The following SLC25A21 variants were observed in gnomAD, a reference collection of about 807,000 sequenced individuals.
SLC25A21 encodes the protein mitochondrial 2-oxodicarboxylate carrier.
A neutral mutation model predicts 43.8 loss-of-function variants in SLC25A21; 47 were observed. The ratio of observed to expected loss-of-function variants is 1.07; its 90% CI spans 0.85 to 1.37. The LOEUF (loss-of-function observed/expected upper bound fraction) is 1.37. Ranked by LOEUF, SLC25A21 falls within the 40% of genes most tolerant of loss-of-function variation. SLC25A21 has a pLI of 0.00. For missense variants in SLC25A21, 352 were observed against 350.2 expected, an observed-to-expected ratio of 1.00 and a Z score of -0.04; for synonymous variants, 131 against 121.3, an observed-to-expected ratio of 1.08 and a Z score of -0.52.
intron 3 of SLC25A21, among the ~76,000 whole-genome samples, chr14:36,738,184 A>C (rs1245697640): frequency 6.6e-6 from 1 of 152,206 alleles, no homozygotes; most frequent in Non-Finnish European, 1.5e-5. Context: ...TGCAGGTAAG[A>C]GCATGTGGTT....
intron 7 of SLC25A21, among the ~76,000 whole-genome samples, chr14:36,696,111 G>C (rs1184832494): frequency 2.6e-5 from 4 of 152,162 alleles, no homozygotes; most frequent in Non-Finnish European, 2.9e-5. Flanking sequence ...AGAGTGTTTA[G>C]CATGAAGGGC....
At chr14:36,708,172 G>C (rs1883659959) in intron 7 of SLC25A21, among the ~76,000 whole-genome samples, 3 of 152,316 alleles carry the variant, frequency 2.0e-5, no homozygotes, top group Non-Finnish European at 4.4e-5. Flanking sequence ...CTTTGGATGG[G>C]AGTGAGGAAA....
At chr14:37,150,029 T>C (rs1426941462) in intron 1 of SLC25A21, among the ~76,000 whole-genome samples, 1 of 152,050 alleles carries the variant, frequency 6.6e-6, no homozygotes, top group Non-Finnish European at 1.5e-5. Flanking sequence ...AGGAAAAAAA[T>C]CCTGTTTAGA....
chr14:36,979,332 G>GT lies in SLC25A21; in HGVS notation c.71-104329dup, dbSNP rs1283870965. Among the ~76,000 whole-genome samples, 325 of 119,012 alleles carry GT rather than the reference G, an allele frequency of 2.7e-3. 1 individual carries two copies. Among genetic ancestry groups the GT allele is most frequent in the Admixed American group, 5.7e-3 (73 of 12,750 alleles). The allele number at this position is 119,012 out of a possible 152,430, so 78.1% of individuals were successfully genotyped here. On this transcript the variant is annotated intron_variant, in intron 1 of 9. Transcript: ENST00000331299. The stretch of plus-strand genomic sequence containing the variant: ...AACCAATTAAGGTAGTGTTTTTTTG[G>GT]TTTTTTTTTTTACTGTTTTTGTTTG...
At chr14:37,090,906 C>T (rs1014760622) in intron 1 of SLC25A21, among the ~76,000 whole-genome samples, 8 of 152,176 alleles carry the variant, frequency 5.3e-5, no homozygotes, top group African/African-American at 1.9e-4. Flanking sequence ...ACTGAACCCA[C>T]TGCTCCTAGG....
chr14:36,877,349 GT>G (rs1017455661), intron 1 of SLC25A21, among the ~76,000 whole-genome samples: 2 of 152,188 alleles, frequency 1.3e-5, no homozygotes, highest in African/African-American at 4.8e-5. Context: ...TTGCAAAATT[GT>G]TTCAGTTTTC....
intron 2 of SLC25A21, among the ~76,000 whole-genome samples, chr14:36,826,627 T>C (rs1482528594): frequency 6.6e-6 from 1 of 152,242 alleles, no homozygotes; most frequent in African/African-American, 2.4e-5. Flanking sequence ...GTGAAGTCCA[T>C]GAACATTAGT....
At chr14:36,894,447 A>G (rs1309948220) in intron 1 of SLC25A21, among the ~76,000 whole-genome samples, 5 of 152,214 alleles carry the variant, frequency 3.3e-5, no homozygotes, top group African/African-American at 7.2e-5. Context: ...GGGCTGAGAC[A>G]ATGGGGTTTT....
chr14:36,782,710 C>CCAAA (rs976405092), intron 3 of SLC25A21, among the ~76,000 whole-genome samples: 3 of 151,052 alleles, frequency 2.0e-5, no homozygotes, highest in Non-Finnish European at 4.4e-5. Context: ...GAACAAAAAA[C>CCAAA]CAAACACCGC....
At chr14:37,058,214 A>G (rs1278195800) in intron 1 of SLC25A21, among the ~76,000 whole-genome samples, 2 of 152,226 alleles carry the variant, frequency 1.3e-5, no homozygotes, top group Non-Finnish European at 2.9e-5. Flanking sequence ...AGTTCAGAAA[A>G]TATTTATTAA....
intron 6 of SLC25A21, among the ~76,000 whole-genome samples, chr14:36,717,962 C>T (rs1021046233): frequency 2.0e-5 from 3 of 151,948 alleles, no homozygotes; most frequent in African/African-American, 7.3e-5. Context: ...GAGATGTTGG[C>T]AAAAATCAAC....
chr14:37,063,614 T>G (rs1381418764), intron 1 of SLC25A21, among the ~76,000 whole-genome samples: 1 of 152,024 alleles, frequency 6.6e-6, no homozygotes, highest in Non-Finnish European at 1.5e-5. Flanking sequence ...GAGTAATAGT[T>G]ACCGTGGATT....
chr14:37,051,929 C>T lies in SLC25A21; in HGVS notation c.70+120352G>A, dbSNP rs1213364572. 3.3e-5 allele frequency among the ~76,000 whole-genome samples: 5 copies of T among 152,164 alleles called. No homozygotes were observed. The South Asian group carries it at 6.2e-4, about 19-fold the overall frequency. On this transcript the variant is annotated intron_variant, in intron 1 of 9. Coordinates refer to ENST00000331299, the MANE Select transcript of SLC25A21 (RefSeq NM_030631.4). ...ACTCACTGAGCAGTCCAGACGGCAG[C>T]CGGCGGGCACACAAAGCAGCCTGGA... is the stretch of plus-strand genomic sequence containing the variant.
At chr14:36,962,507 C>T (rs1045281186) in intron 1 of SLC25A21, among the ~76,000 whole-genome samples, 2 of 152,166 alleles carry the variant, frequency 1.3e-5, no homozygotes, top group African/African-American at 2.4e-5. Flanking sequence ...CATAGCCCCA[C>T]CCCTGGTAGC....
At chr14:36,947,529 C>T (rs75781420) in intron 1 of SLC25A21, among the ~76,000 whole-genome samples, 1,710 of 152,242 alleles carry the variant, frequency 0.011, 30 homozygotes, top group African/African-American at 0.039. Context: ...TTTTGCTCCA[C>T]AAACACAGAG....
At chr14:36,892,295 T>C (rs1048167918) in intron 1 of SLC25A21, among the ~76,000 whole-genome samples, 16 of 152,188 alleles carry the variant, frequency 1.1e-4, no homozygotes, top group East Asian at 3.8e-4. Flanking sequence ...TGAAAACATA[T>C]CTGAACTCCA....
intron 7 of SLC25A21, among the ~76,000 whole-genome samples, chr14:36,703,036 T>C (rs1327420990): frequency 6.6e-6 from 1 of 152,198 alleles, no homozygotes; most frequent in Non-Finnish European, 1.5e-5. Flanking sequence ...TAGGTACTTG[T>C]AGTTTTTCCC....
At chr14:36,988,153 C>T (rs550273923) in intron 1 of SLC25A21, among the ~76,000 whole-genome samples, 1 of 152,318 alleles carries the variant, frequency 6.6e-6, no homozygotes, top group Non-Finnish European at 1.5e-5. Context: ...CCCATCTACC[C>T]ATCACCTGTG....
At chr14:37,115,246 C>T (rs372394985) in intron 1 of SLC25A21, among the ~76,000 whole-genome samples, 3 of 152,140 alleles carry the variant, frequency 2.0e-5, no homozygotes, top group African/African-American at 7.2e-5. Context: ...AGGGCAGCAC[C>T]GCCAAGGTCC....
Sources: allele counts gnomAD v4.1 joint callset (sites outside exome capture counted in the v4.1 genomes callset), GRCh38; gene constraint gnomAD v4.1.1; transcripts MANE v1.5; gene names NCBI Gene and HGNC (gene_info 2026-07-23, HGNC 2026-07-21).